Variants in FAF1 observed in about 807,000 individuals in gnomAD.
FAF1 encodes the protein Fas associated factor 1, also known as FAS-associated factor 1.
FAF1 carries 25 observed loss-of-function variants against 92.5 expected under a neutral mutation model. That is an observed-to-expected ratio of 0.27 (90% CI 0.20 to 0.38). FAF1 has a LOEUF of 0.38. Ranked by LOEUF, FAF1 falls within the 10% of genes least tolerant of loss-of-function variation. The pLI, the probability that FAF1 is intolerant of heterozygous loss-of-function variation, is 1.00. For synonymous variants in FAF1, 234 were observed against 273.2 expected (o/e 0.86, Z 1.42); for missense variants, 636 against 793.3 (o/e 0.80, Z 2.38).
intron 2 of FAF1, among the ~76,000 whole-genome samples, chr1:50,827,771 C>G (rs918977067): frequency 6.6e-6 from 1 of 151,962 alleles, no homozygotes; most frequent in African/African-American, 2.4e-5. Flanking sequence ...TAACGAATAT[C>G]TTAAAAATAC....
chr1:50,873,796 T>C (rs572393926), intron 1 of FAF1, among the ~76,000 whole-genome samples: 33 of 152,338 alleles, frequency 2.2e-4, no homozygotes, highest in African/African-American at 7.7e-4. Context: ...AGTGTGAGTT[T>C]AATAAAGTTG....
chr1:50,886,098 T>C (rs1644661356), intron 1 of FAF1, among the ~76,000 whole-genome samples: 1 of 152,210 alleles, frequency 6.6e-6, no homozygotes, highest in African/African-American at 2.4e-5. Flanking sequence ...AGTCCTTCTA[T>C]TTGAGAATGG....
At chr1:50,554,673 C>T (rs562987446) in intron 13 of FAF1, among the ~76,000 whole-genome samples, 16 of 152,114 alleles carry the variant, frequency 1.1e-4, no homozygotes, top group Admixed American at 1.0e-3. Flanking sequence ...GGGTAGCATG[C>T]TTATGTTATA....
At chr1:50,846,850 C>G in intron 2 of FAF1, 1 of 574,912 alleles carries the variant, frequency 1.7e-6, no homozygotes, top group South Asian at 1.7e-5. Context: ...TGAGAAGATT[C>G]ACCAGGAATT....
intron 4 of FAF1, among the ~76,000 whole-genome samples, chr1:50,752,951 T>C (rs1045833934): frequency 5.3e-5 from 8 of 152,230 alleles, no homozygotes; most frequent in Non-Finnish European, 1.2e-4. Flanking sequence ...CCCAAAGTGC[T>C]GGGATTACAG....
chr1:50,856,354 G>A (rs1644390339), intron 2 of FAF1, among the ~76,000 whole-genome samples: 1 of 151,706 alleles, frequency 6.6e-6, no homozygotes, highest in African/African-American at 2.4e-5. Context: ...CTCAAGACAA[G>A]AAACTTGGGA....
intron 5 of FAF1, among the ~76,000 whole-genome samples, chr1:50,741,265 T>C (rs570887692): frequency 6.6e-6 from 1 of 152,276 alleles, no homozygotes; most frequent in African/African-American, 2.4e-5. Context: ...TTCCAGGCAG[T>C]TGAATAGCAT....
chr1:50,718,359 C>A (rs989936916), intron 6 of FAF1, among the ~76,000 whole-genome samples: 1 of 152,094 alleles, frequency 6.6e-6, no homozygotes, highest in Non-Finnish European at 1.5e-5. Context: ...TAAATGGGAA[C>A]CATGGACTTG....
chr1:50,546,780 G>A (rs545837995), intron 13 of FAF1, among the ~76,000 whole-genome samples: 10 of 152,244 alleles, frequency 6.6e-5, no homozygotes, highest in African/African-American at 2.4e-4. Flanking sequence ...ACCTTTTTAT[G>A]CCTTTGAATT....
In FAF1 at chr1:50,583,508, C is replaced by T. The variant is rs563399637; in HGVS notation, c.1031+144G>A. The T allele has an allele frequency of 2.2e-5, 10 of 452,616 alleles. No individual in the cohort carries two copies. The highest frequency in any genetic ancestry group is 1.8e-4 in the African/African-American group (9 of 49,920). 28.0% of individuals were successfully genotyped at this position (452,616 alleles called of 1,614,324 possible). On this transcript the variant is annotated intron_variant, in intron 11 of 18. Transcript: ENST00000396153. This position sits in a 1 kb window ranked among gnomAD's most constrained non-coding sequence, Gnocchi z 4.2. ...GTTTACTGGTTATTTATGTGTTTCA[C>T]TATTAGGACTATATAAATTAACAAG... is the stretch of plus-strand genomic sequence containing the variant.
At chr1:50,572,585 A>G (rs1353698591) in intron 12 of FAF1, among the ~76,000 whole-genome samples, 2 of 152,248 alleles carry the variant, frequency 1.3e-5, no homozygotes, top group Non-Finnish European at 2.9e-5. Context: ...GATAAGTGCA[A>G]TGTGAGAACA....
intron 8 of FAF1, among the ~76,000 whole-genome samples, chr1:50,602,443 T>G (rs1220527523): frequency 2.0e-5 from 3 of 152,076 alleles, no homozygotes; most frequent in Non-Finnish European, 4.4e-5. Flanking sequence ...CAATTATACT[T>G]CAATAAGGCA....
At chr1:50,760,297 C>T (rs372469503) in intron 4 of FAF1, among the ~76,000 whole-genome samples, 74 of 152,092 alleles carry the variant, frequency 4.9e-4, no homozygotes, top group South Asian at 4.6e-3. Flanking sequence ...AAGTCAACAA[C>T]GATACCCAGG....
intron 1 of FAF1, among the ~76,000 whole-genome samples, chr1:50,918,379 T>G (rs1570139133): frequency 1.1e-5 from 1 of 93,698 alleles, no homozygotes; most frequent in South Asian, 4.6e-4. Flanking sequence ...AGTGTGATAT[T>G]CCCCTTCCTG....
chr1:50,486,190 AG>A (rs1646766463), intron 17 of FAF1, among the ~76,000 whole-genome samples: 1 of 152,212 alleles, frequency 6.6e-6, no homozygotes, highest in Non-Finnish European at 1.5e-5. Context: ...GGTGGCACGA[AG>A]GCATAAAAGG....
intron 12 of FAF1, among the ~76,000 whole-genome samples, chr1:50,576,448 G>A (rs890511320): frequency 2.0e-5 from 3 of 152,130 alleles, no homozygotes; most frequent in Admixed American, 1.3e-4. Context: ...GCTTGGGAAA[G>A]GAACAATCCT....
chr1:50,786,131 CA>C lies in FAF1; in HGVS notation c.367+1868del, dbSNP rs538951297. ...TGGGTGACAGTGTGAGACCCTGTCTCAAAAAAAAAAAAAAATCACATTCTCA... is the reference window on the plus strand; with the variant it reads ...TGGGTGACAGTGTGAGACCCTGTCTCAAAAAAAAAAAAAATCACATTCTCA... On this transcript the variant is annotated intron_variant, in intron 4 of 18. Transcript: ENST00000396153. Among the ~76,000 whole-genome samples the C allele has an allele frequency of 1.9e-3, 250 of 129,932 alleles. 1 individual carries two copies. The highest frequency in any genetic ancestry group is 9.0e-3 in the South Asian group (37 of 4,104). 85.2% of individuals were successfully genotyped at this position (129,932 alleles called of 152,430 possible).
At chr1:50,749,205 C>T (rs1052654741) in intron 4 of FAF1, among the ~76,000 whole-genome samples, 1 of 152,186 alleles carries the variant, frequency 6.6e-6, no homozygotes, top group Admixed American at 6.5e-5. Context: ...ATTTCTAGAG[C>T]TGTACCTGTC....
At chr1:50,917,587 G>T (rs1376038959) in intron 1 of FAF1, among the ~76,000 whole-genome samples, 1 of 131,116 alleles carries the variant, frequency 7.6e-6, no homozygotes. Context: ...AAAAAGGAAA[G>T]GAAAAGAAAG....
Sources: gnomAD v4.1 joint callset for allele counts (sites outside exome capture counted in the v4.1 genomes callset) on GRCh38, gnomAD v4.1.1 for gene constraint, Gnocchi (gnomAD v3.1) non-coding constraint, MANE v1.5 for transcripts, NCBI Gene and HGNC (gene_info 2026-07-23, HGNC 2026-07-21) for gene names.